SRGAP1: variants seen among roughly 807,000 people sequenced by gnomAD.
The protein encoded by SRGAP1 is SLIT-ROBO Rho GTPase-activating protein 1.
In SRGAP1, 43 loss-of-function variants were observed where a neutral mutation model predicts 121.9. The ratio of observed to expected loss-of-function variants is 0.35; its 90% CI spans 0.28 to 0.46. The LOEUF is 0.46. Among genes scored for constraint, SRGAP1 ranks in the 20% least tolerant of loss-of-function variants. The probability of loss-of-function intolerance (pLI) is 1.00; values close to 1 mark genes in which losing one functional copy is unlikely to be tolerated. For synonymous variants in SRGAP1, 447 were observed against 485.4 expected (o/e 0.92, Z 1.04); for missense variants, 1,102 against 1,350.9 (o/e 0.82, Z 2.89).
chr12:63,964,930 A>T (rs1296237009), intron 1 of SRGAP1, among the ~76,000 whole-genome samples: 1 of 152,216 alleles, frequency 6.6e-6, no homozygotes, highest in Non-Finnish European at 1.5e-5. Flanking sequence ...GTTTTCAGAT[A>T]CAGAATCTGT....
rs921991805 is a variant in SRGAP1, at chr12:64,155,602, T to G, written c.*12930T>G. The G allele has an allele frequency of 6.6e-6, 1 of 151,846 alleles. No individual in the cohort carries two copies. The highest frequency in any genetic ancestry group is 1.5e-5 in the Non-Finnish European group (1 of 67,966). The allele number at this position is 151,846 out of a possible 1,614,324, so 9.4% of individuals were successfully genotyped here. On this transcript the variant is annotated 3_prime_UTR_variant, in exon 22 of 22. Coordinates refer to ENST00000355086, the MANE Select transcript of SRGAP1 (RefSeq NM_020762.4). ...AAACAAGTTCAGGCTTGTTAAATAT[T>G]TTTTATGTTTGTTTGTTTGCTTTGT...
chr12:64,102,604 T>C lies in SRGAP1; in HGVS notation c.1813+5229T>C, dbSNP rs562956793. Among the ~76,000 whole-genome samples, 16 of 152,306 alleles carry C rather than the reference T, an allele frequency of 1.1e-4. No individual in the cohort carries two copies. In the East Asian group the frequency reaches 3.1e-3, roughly 29 times the overall value. Reference sequence around the variant, plus strand: ...ACCACCCCCGGCCCTAGGCAATCACTAATCTACTTTCCGTCTCTATAGATT... The same window carrying C: ...ACCACCCCCGGCCCTAGGCAATCACCAATCTACTTTCCGTCTCTATAGATT... On this transcript the variant is annotated intron_variant, in intron 15 of 21. Transcript: ENST00000355086.
At chr12:63,954,627 G>A (rs910374828) in intron 1 of SRGAP1, among the ~76,000 whole-genome samples, 5 of 143,600 alleles carry the variant, frequency 3.5e-5, no homozygotes, top group Admixed American at 2.2e-4. Context: ...GCAGTGAGCC[G>A]AGATCGTGCC....
intron 6 of SRGAP1, among the ~76,000 whole-genome samples, chr12:64,056,810 T>G (rs2035352678): frequency 6.6e-6 from 1 of 152,188 alleles, no homozygotes; most frequent in African/African-American, 2.4e-5. Context: ...GCACTTTTTG[T>G]CTGGAACACT....
At chr12:63,853,412 G>A (rs924316785) in intron 1 of SRGAP1, among the ~76,000 whole-genome samples, 1 of 152,150 alleles carries the variant, frequency 6.6e-6, no homozygotes, top group Non-Finnish European at 1.5e-5. Context: ...CCAACAGTGG[G>A]GAATGGTTAA....
chr12:63,907,530 C>A (rs1371444669), intron 1 of SRGAP1, among the ~76,000 whole-genome samples: 1 of 151,514 alleles, frequency 6.6e-6, no homozygotes, highest in Non-Finnish European at 1.5e-5. Flanking sequence ...AAGAGGGAAA[C>A]TCCATCTCAA....
At chr12:64,036,194 C>T (rs2034899964) in intron 4 of SRGAP1, among the ~76,000 whole-genome samples, 1 of 152,170 alleles carries the variant, frequency 6.6e-6, no homozygotes, top group African/African-American at 2.4e-5. Context: ...ACCACTGTCT[C>T]AAGCCGCCAG....
At chr12:64,012,112 T>G (rs1593040182) in intron 3 of SRGAP1, among the ~76,000 whole-genome samples, 1 of 152,208 alleles carries the variant, frequency 6.6e-6, no homozygotes, top group Non-Finnish European at 1.5e-5. Context: ...TTCTATTCTC[T>G]TATTTCTTCA....
At chr12:63,869,402 C>T (rs1273274629) in intron 1 of SRGAP1, among the ~76,000 whole-genome samples, 1 of 152,210 alleles carries the variant, frequency 6.6e-6, no homozygotes, top group African/African-American at 2.4e-5. Context: ...CACTACTGCA[C>T]TGGGGATTAA....
intron 1 of SRGAP1, among the ~76,000 whole-genome samples, chr12:63,906,743 ATTTG>A (rs1462230507): frequency 3.9e-5 from 6 of 152,126 alleles, no homozygotes; most frequent in African/African-American, 1.4e-4. Context: ...GAATTTCACA[ATTTG>A]TTTTTCTCAG....
intron 1 of SRGAP1, among the ~76,000 whole-genome samples, chr12:63,933,004 A>G (rs1256437307): frequency 6.6e-6 from 1 of 152,200 alleles, no homozygotes; most frequent in Non-Finnish European, 1.5e-5. Flanking sequence ...CCTGGCCAAC[A>G]TGGTGAAACC....
At chr12:63,935,642 G>A (rs1001785392) in intron 1 of SRGAP1, among the ~76,000 whole-genome samples, 1 of 152,086 alleles carries the variant, frequency 6.6e-6, no homozygotes, top group African/African-American at 2.4e-5. Flanking sequence ...ATATCACTAG[G>A]TATTTTATTG....
chr12:64,057,237 GA>G (rs2035360693), intron 6 of SRGAP1, among the ~76,000 whole-genome samples: 1 of 152,098 alleles, frequency 6.6e-6, no homozygotes, highest in Admixed American at 6.6e-5. Flanking sequence ...TTGCTCAAGA[GA>G]AAACTCAAAA....
intron 1 of SRGAP1, among the ~76,000 whole-genome samples, chr12:63,855,676 A>G (rs954174059): frequency 4.0e-5 from 6 of 150,976 alleles, no homozygotes; most frequent in African/African-American, 1.5e-4. Flanking sequence ...TTTAGTAGAG[A>G]CGGAGTTCCA....
chr12:63,917,663 A>G (rs1010815662), intron 1 of SRGAP1, among the ~76,000 whole-genome samples: 1 of 152,194 alleles, frequency 6.6e-6, no homozygotes, highest in South Asian at 2.1e-4. Flanking sequence ...TGATAGTGCA[A>G]ATCTACTCTT....
intron 1 of SRGAP1, among the ~76,000 whole-genome samples, chr12:63,860,375 A>G (rs1197596647): frequency 6.6e-6 from 1 of 152,178 alleles, no homozygotes; most frequent in Non-Finnish European, 1.5e-5. Flanking sequence ...ATATAATTAC[A>G]TTATGAACTG....
intron 1 of SRGAP1, among the ~76,000 whole-genome samples, chr12:63,866,011 T>G: frequency 6.6e-6 from 1 of 152,136 alleles, no homozygotes; most frequent in East Asian, 1.9e-4. Context: ...GAGAAATAGT[T>G]TGTTGTTATT....
chr12:63,948,526 T>A (rs2032124294), intron 1 of SRGAP1, among the ~76,000 whole-genome samples: 1 of 152,140 alleles, frequency 6.6e-6, no homozygotes, highest in Non-Finnish European at 1.5e-5. Context: ...GGAAATATGG[T>A]CACTTCTCCT....
At chr12:64,054,357 C>T (rs2035298229) in intron 6 of SRGAP1, among the ~76,000 whole-genome samples, 1 of 152,156 alleles carries the variant, frequency 6.6e-6, no homozygotes, top group African/African-American at 2.4e-5. Context: ...GCCTGCCATC[C>T]TTTTTTATCT....
Sources: allele counts gnomAD v4.1 joint callset (sites outside exome capture counted in the v4.1 genomes callset), GRCh38; gene constraint gnomAD v4.1.1; transcripts MANE v1.5; gene names NCBI Gene and HGNC (gene_info 2026-07-23, HGNC 2026-07-21).